Variants in RIMBP2 observed in about 807,000 individuals in gnomAD.
RIMBP2 encodes the protein RIMS-binding protein 2.
In RIMBP2, 48 loss-of-function variants were observed where a neutral mutation model predicts 118.6. The observed-to-expected ratio is 0.40, with a 90% CI of 0.32 to 0.51. The LOEUF (loss-of-function observed/expected upper bound fraction) is 0.51. Among genes scored for constraint, RIMBP2 ranks in the 20% least tolerant of loss-of-function variants. The pLI is 0.41. For synonymous variants in RIMBP2, 762 were observed against 742.9 expected (o/e 1.03, Z -0.42); for missense variants, 1,551 against 1,768.3 (o/e 0.88, Z 2.20).
intron 2 of RIMBP2, among the ~76,000 whole-genome samples, chr12:130,606,870 C>T (rs1447297458): frequency 2.6e-5 from 4 of 152,304 alleles, no homozygotes; most frequent in African/African-American, 7.2e-5. Context: ...CTTGCTCTGT[C>T]GCCCAGGCTA....
chr12:130,530,303 T>G (rs2053236573), intron 2 of RIMBP2, among the ~76,000 whole-genome samples: 1 of 152,154 alleles, frequency 6.6e-6, no homozygotes, highest in South Asian at 2.1e-4. Context: ...TATATGTGAT[T>G]TTGGTATAAT....
rs117568942 is a variant in RIMBP2 at position 130,583,088 on chromosome 12, T to C, written c.-217+45234A>G. On this transcript the variant is annotated intron_variant, in intron 2 of 22. Coordinates refer to ENST00000690449, the MANE Select transcript of RIMBP2 (RefSeq NM_001393629.1). Reference sequence around the variant, plus strand: ...GATTAAATAACCAACATGTTAAATATCAAATGCCACCATCAATGAGAGGTG... The same window carrying C: ...GATTAAATAACCAACATGTTAAATACCAAATGCCACCATCAATGAGAGGTG... Among the ~76,000 whole-genome samples, 833 of 152,274 alleles carry C rather than the reference T, an allele frequency of 5.5e-3. 4 individuals are homozygous for C. Among genetic ancestry groups the C allele is most frequent in the Non-Finnish European group, 7.5e-3 (513 of 68,020 alleles).
intron 4 of RIMBP2, among the ~76,000 whole-genome samples, chr12:130,490,928 G>A (rs528181661): frequency 4.8e-4 from 73 of 152,258 alleles, no homozygotes; most frequent in African/African-American, 1.6e-3. Flanking sequence ...AGTGGGAAGC[G>A]GTCTACACAG....
chr12:130,557,688 C>T (rs753411588), intron 2 of RIMBP2, among the ~76,000 whole-genome samples: 5 of 152,190 alleles, frequency 3.3e-5, no homozygotes, highest in Non-Finnish European at 2.9e-5. Context: ...ACACAGCAAT[C>T]GGTGACAAAT....
chr12:130,450,356 C>G lies in RIMBP2; in HGVS notation c.505-80G>C. The G allele has an allele frequency of 9.2e-7, 1 of 1,087,210 alleles. No individual in the cohort carries two copies. Among genetic ancestry groups the G allele is most frequent in the Non-Finnish European group, 1.4e-6 (1 of 723,658 alleles). 67.3% of individuals were successfully genotyped at this position (1,087,210 alleles called of 1,614,324 possible). ...ATTCCCGCGGCACACGGGAAAGCCC[C>G]TCGCAGCTTCCTGGGCCCCAGGAGG... On this transcript the variant is annotated intron_variant, in intron 8 of 22. Coordinates refer to ENST00000690449, the MANE Select transcript of RIMBP2 (RefSeq NM_001393629.1). This position sits in a 1 kb window ranked among gnomAD's most constrained non-coding sequence, Gnocchi z 4.8.
At chr12:130,449,291 G>A (rs573356741) in intron 9 of RIMBP2, among the ~76,000 whole-genome samples, 1 of 152,378 alleles carries the variant, frequency 6.6e-6, no homozygotes, top group African/African-American at 2.4e-5. Context: ...GCTGCAGCTT[G>A]CTTTCCTTAC....
intron 2 of RIMBP2, among the ~76,000 whole-genome samples, chr12:130,553,751 A>G (rs1286610593): frequency 6.6e-6 from 1 of 152,250 alleles, no homozygotes; most frequent in Non-Finnish European, 1.5e-5. Flanking sequence ...CTTGAAAAAA[A>G]TTAATAGATT....
chr12:130,612,312 ATCC>A (rs2060608536), intron 2 of RIMBP2, among the ~76,000 whole-genome samples: 1 of 152,094 alleles, frequency 6.6e-6, no homozygotes, highest in African/African-American at 2.4e-5. Context: ...TGGCCAGGGG[ATCC>A]AGCTTTTGGC....
Position 130,414,123 on chromosome 12 carries a change from A to G in RIMBP2, c.3420+2T>C. On this transcript the variant is annotated splice_donor_variant, in intron 18 of 22. Coordinates refer to ENST00000690449, the MANE Select transcript of RIMBP2 (RefSeq NM_001393629.1). LOFTEE classifies it high-confidence loss of function. ...AGCCGCCCGCAGGCAGCCATCCCGCACCTTGATGATCTGGCCTTCTTTAAA... is the reference window on the plus strand; with the variant it reads ...AGCCGCCCGCAGGCAGCCATCCCGCGCCTTGATGATCTGGCCTTCTTTAAA... The G allele has an allele frequency of 6.2e-7, 1 of 1,613,992 alleles. No homozygotes were observed. Among genetic ancestry groups the G allele is most frequent in the Non-Finnish European group, 8.5e-7 (1 of 1,179,996 alleles).
At chr12:130,645,625 G>A (rs369296153) in intron 1 of RIMBP2, among the ~76,000 whole-genome samples, 47 of 152,324 alleles carry the variant, frequency 3.1e-4, no homozygotes, top group African/African-American at 1.0e-3. Context: ...CAAGGTCAAA[G>A]CCATTTTGTG....
intron 2 of RIMBP2, among the ~76,000 whole-genome samples, chr12:130,561,357 A>G (rs1185354708): frequency 1.3e-5 from 2 of 152,132 alleles, no homozygotes; most frequent in African/African-American, 2.4e-5. Context: ...CATTTTCCTG[A>G]TGTCTCAAAC....
chr12:130,433,331 A>G (rs1033882422), intron 14 of RIMBP2, among the ~76,000 whole-genome samples: 2 of 152,156 alleles, frequency 1.3e-5, no homozygotes, highest in Non-Finnish European at 2.9e-5. Flanking sequence ...GATGCTACAG[A>G]TATGTCTACT....
chr12:130,538,002 T>A (rs1328367109), intron 2 of RIMBP2, among the ~76,000 whole-genome samples: 2 of 152,074 alleles, frequency 1.3e-5, no homozygotes, highest in East Asian at 3.9e-4. Context: ...TCACACAGGA[T>A]CACTAGACTC....
chr12:130,474,105 G>C lies in RIMBP2; in HGVS notation c.103-3362C>G, dbSNP rs10219710. Among the ~76,000 whole-genome samples the C allele has an allele frequency of 4.9e-3, 748 of 152,284 alleles. 4 individuals carry two copies. Among genetic ancestry groups the C allele is most frequent in the African/African-American group, 0.017 (704 of 41,566 alleles). On this transcript the variant is annotated intron_variant, in intron 5 of 22. Coordinates refer to ENST00000690449, the MANE Select transcript of RIMBP2 (RefSeq NM_001393629.1). ...AAGAAACTGAAAGTCTGAAGCAACG[G>C]AGCGCAGCCGGACCCCAGGCTGACC...
At chr12:130,438,336 C>CCGGGGGGG in intron 12 of RIMBP2, 29 bp downstream of exon 12, 3 of 844,138 alleles carry the variant, frequency 3.6e-6, no homozygotes, top group Non-Finnish European at 3.9e-6. Context: ...GCCTAACAAA[C>CCGGGGGGG]CCTCCCCACC....
chr12:130,459,973 C>T (rs1195601526), intron 6 of RIMBP2, among the ~76,000 whole-genome samples: 2 of 152,206 alleles, frequency 1.3e-5, no homozygotes, highest in Admixed American at 6.5e-5. Context: ...ACAGGGTGGA[C>T]ATTTAACAGA....
intron 2 of RIMBP2, among the ~76,000 whole-genome samples, chr12:130,546,260 C>T (rs12424569): frequency 0.16 from 24,773 of 151,648 alleles, 2,042 homozygotes; most frequent in Middle Eastern, 0.26. Flanking sequence ...TCCACTACCA[C>T]GCCCAGCTAA....
rs549551896 is a variant in RIMBP2, at chr12:130,407,591, A to G, written c.3693+135T>C. 10 of 779,850 alleles carry G rather than the reference A, an allele frequency of 1.3e-5. No individual in the cohort carries two copies. In the African/African-American group the frequency reaches 1.5e-4, roughly 12 times the overall value. The allele number at this position is 779,850 out of a possible 1,614,324, so 48.3% of individuals were successfully genotyped here. A position where few individuals can be genotyped will look rare whatever the true frequency, so the allele number is the denominator to read the frequency against. ...CATGTCTGTATCAGCCATCCCTCGGATCGGCAGCCCTTCCTACGGATGGTT... is the reference window on the plus strand; with the variant it reads ...CATGTCTGTATCAGCCATCCCTCGGGTCGGCAGCCCTTCCTACGGATGGTT... On this transcript the variant is annotated intron_variant, in intron 20 of 22. Transcript: ENST00000690449.
chr12:130,574,039 G>A (rs947885268), intron 2 of RIMBP2, among the ~76,000 whole-genome samples: 2 of 152,080 alleles, frequency 1.3e-5, no homozygotes, highest in East Asian at 1.9e-4. Context: ...TTTTCACATC[G>A]AGGGATTATC....
Sources: gnomAD v4.1 joint callset for allele counts (sites outside exome capture counted in the v4.1 genomes callset) on GRCh38, gnomAD v4.1.1 for gene constraint, Gnocchi (gnomAD v3.1) non-coding constraint, MANE v1.5 for transcripts, NCBI Gene and HGNC (gene_info 2026-07-23, HGNC 2026-07-21) for gene names.